RCN2: variants seen among roughly 807,000 people sequenced by gnomAD.
The protein encoded by RCN2 is reticulocalbin-2.
A neutral mutation model predicts 37.5 loss-of-function variants in RCN2; 23 were observed. That is an observed-to-expected ratio of 0.61 (90% confidence interval 0.44 to 0.87). The LOEUF (loss-of-function observed/expected upper bound fraction) is 0.87, where lower values mean the gene tolerates loss of function less well. Ranked by LOEUF, RCN2 falls within the 40% of genes least tolerant of loss-of-function variation. The probability of loss-of-function intolerance (pLI) is 0.00; values close to 1 mark genes in which losing one functional copy is unlikely to be tolerated. For synonymous variants in RCN2, 140 were observed against 144.6 expected, an observed-to-expected ratio of 0.97 and a Z score of 0.23; for missense variants, 381 against 390.4, an observed-to-expected ratio of 0.98 and a Z score of 0.20.
rs2075284082 is a variant in RCN2, at chr15:76,943,674, T to G, written c.448-84T>G. ...AGATAAATGAGATAACGGATGGGAA[T>G]GTACTTTAAATTTCACATAGTTTGT... On this transcript the variant is annotated intron_variant, in intron 3 of 6. Transcript: ENST00000394885. 11 of 727,708 alleles carry G rather than the reference T, an allele frequency of 1.5e-5. No homozygotes were observed. In the South Asian group the frequency reaches 1.9e-4, roughly 13 times the overall value. The allele number at this position is 727,708 out of a possible 1,614,324, so 45.1% of individuals were successfully genotyped here. A position where few individuals can be genotyped will look rare whatever the true frequency, so the allele number is the denominator to read the frequency against.
rs539579177 is a variant in RCN2 at position 76,949,071 on chromosome 15, C to T, written c.803C>T (p.Ala268Val). 1.0e-4 allele frequency: 162 copies of T among 1,590,722 alleles called. No individual in the cohort carries two copies. The highest frequency in any genetic ancestry group is 1.6e-4 in the East Asian group (7 of 44,442). Residue 268 changes from alanine (A) to valine (V), a missense_variant and splice_region_variant, in exon 7 of 7, where the codon GCG (alanine) becomes GTG (valine). Ala to Val is a moderately conservative substitution (Grantham distance 64, BLOSUM62 0). Transcript: ENST00000394885. ...ACACTTTTTTGTTTTATTTTGAAGG[C>T]GCTTCATCTAATTGATGAAATGGAT... The part of the protein sequence containing the change: ...PNNQGIAQEE[A>V]LHLIDEMDLN...
chr15:76,939,205 T>C (rs1344532860), intron 3 of RCN2, among the ~76,000 whole-genome samples: 1 of 151,790 alleles, frequency 6.6e-6, no homozygotes, highest in Non-Finnish European at 1.5e-5. Flanking sequence ...CACTGCAGCC[T>C]GGGCAACAGA....
chr15:76,935,402 C>G, intron 2 of RCN2, 124 bp from the exon 3 acceptor site: 3 of 673,620 alleles, frequency 4.5e-6, no homozygotes, highest in Non-Finnish European at 7.7e-6. Flanking sequence ...ATTAATACAA[C>G]TAGGCCAATT....
chr15:76,932,011 AG>A, intron 1 of RCN2, 26 bp downstream of exon 1: 1 of 1,246,172 alleles, frequency 8.0e-7, no homozygotes, highest in Non-Finnish European at 1.0e-6. Context: ...CGGTGCTGGG[AG>A]GGCCGGGCCT....
rs1344362771 is a variant in RCN2, at chr15:76,950,265, A to G, written c.*1043A>G. Reference sequence around the variant, plus strand: ...TAAAATCATACTTGATAAGCATGATAATCAATTTTAACCTAATTCAGCAGG... The same window carrying G: ...TAAAATCATACTTGATAAGCATGATGATCAATTTTAACCTAATTCAGCAGG... On this transcript the variant is annotated 3_prime_UTR_variant, in exon 7 of 7. Coordinates refer to ENST00000394885, the MANE Select transcript of RCN2 (RefSeq NM_002902.3). The G allele has an allele frequency of 6.6e-6, 1 of 151,324 alleles. No individual in the cohort carries two copies. The highest frequency in any genetic ancestry group is 2.4e-5 in the African/African-American group (1 of 41,368). The allele number at this position is 151,324 out of a possible 1,614,324, so 9.4% of individuals were successfully genotyped here.
Position 76,953,555 on chromosome 15 carries a change from C to CTATATATATATATATATATATA in RCN2, c.*4351_*4372dup, listed in dbSNP as rs1284356930. The CTATATATATATATATATATATA allele has an allele frequency of 3.7e-5, 1 of 26,702 alleles. No individual in the cohort carries two copies. Among genetic ancestry groups the CTATATATATATATATATATATA allele is most frequent in the African/African-American group, 1.7e-4 (1 of 5,886 alleles). The allele number at this position is 26,702 out of a possible 1,614,324, so 1.7% of individuals were successfully genotyped here. On this transcript the variant is annotated 3_prime_UTR_variant, in exon 7 of 7. Transcript: ENST00000394885. ...GGGATTGCTGGATCATATAGTAATT[C>CTATATATATATATATATATATA]TATATATATATATATATATATATAT...
intron 3 of RCN2, chr15:76,941,785 A>C: frequency 1.6e-6 from 1 of 627,900 alleles, no homozygotes; most frequent in Non-Finnish European, 2.5e-6. Context: ...AAGAAATCTC[A>C]GCTTGTTGAA....
Position 76,953,308 on chromosome 15 carries a change from C to G in RCN2, c.*4086C>G, listed in dbSNP as rs1050172179. On this transcript the variant is annotated 3_prime_UTR_variant, in exon 7 of 7. Coordinates refer to ENST00000394885, the MANE Select transcript of RCN2 (RefSeq NM_002902.3). The stretch of plus-strand genomic sequence containing the variant: ...TTGTGAGTGGCTTCACTTAGCATAA[C>G]GTCCCCAAAGTTCACCCATATTGTT... 1 of 151,834 alleles carries G rather than the reference C, an allele frequency of 6.6e-6. No individual in the cohort carries two copies. The highest frequency in any genetic ancestry group is 6.6e-5 in the Admixed American group (1 of 15,218). The allele number at this position is 151,834 out of a possible 1,614,324, so 9.4% of individuals were successfully genotyped here.
chr15:76,932,090 C>T, intron 1 of RCN2, 105 bp downstream of exon 1: 1 of 1,133,220 alleles, frequency 8.8e-7, no homozygotes, highest in Non-Finnish European at 1.1e-6. Context: ...CTGGCAGGGG[C>T]GGCCTGACAA....
chr15:76,951,854 A>G lies in RCN2; in HGVS notation c.*2632A>G, dbSNP rs1316436052. 1 of 152,118 alleles carries G rather than the reference A, an allele frequency of 6.6e-6. No individual in the cohort carries two copies. Among genetic ancestry groups the G allele is most frequent in the Non-Finnish European group, 1.5e-5 (1 of 68,026 alleles). 9.4% of individuals were successfully genotyped at this position (152,118 alleles called of 1,614,324 possible). A position where few individuals can be genotyped will look rare whatever the true frequency, so the allele number is the denominator to read the frequency against. ...GTACAACTTCAAAGGGGAAAATTGA[A>G]TGGGATGTGCACATGTTGGCTCATA... On this transcript the variant is annotated 3_prime_UTR_variant, in exon 7 of 7. Transcript: ENST00000394885.
At chr15:76,935,994 T>C (rs1343952003) in intron 3 of RCN2, among the ~76,000 whole-genome samples, 1 of 152,216 alleles carries the variant, frequency 6.6e-6, no homozygotes, top group African/African-American at 2.4e-5. Flanking sequence ...TAAATGTGTT[T>C]TGAATGAGTA....
chr15:76,947,426 T>C lies in RCN2; in HGVS notation c.567T>C (p.Phe189=), dbSNP rs2075300867. ...HPEEVDYMTE[F]VIQEALEEHD... ...TTTTAATGAACGTGGAATAGGAATT[T>C]GTCATTCAAGAAGCTTTAGAAGAAC... The change falls in exon 5 of 7, where the codon TTT becomes TTC. Residue 189 remains phenylalanine (F), a synonymous_variant. Coordinates refer to ENST00000394885, the MANE Select transcript of RCN2 (RefSeq NM_002902.3). The C allele has an allele frequency of 6.3e-7, 1 of 1,588,934 alleles. No individual in the cohort carries two copies. The highest frequency in any genetic ancestry group is 8.6e-7 in the Non-Finnish European group (1 of 1,168,458).
intron 2 of RCN2, among the ~76,000 whole-genome samples, chr15:76,935,262 G>T (rs1045679474): frequency 2.6e-5 from 4 of 152,182 alleles, no homozygotes; most frequent in Admixed American, 6.5e-5. Flanking sequence ...GGCAGAGGTT[G>T]CAGTGAGCTG....
chr15:76,943,985 T>C (rs75266588), intron 4 of RCN2, 114 bp downstream of exon 4: 16 of 33,544 alleles, frequency 4.8e-4, no homozygotes, highest in Non-Finnish European at 1.3e-3. Flanking sequence ...TACATGAGAC[T>C]TTTTTTTTTT....
Position 76,954,020 on chromosome 15 carries a change from C to A in RCN2, c.*4798C>A, listed in dbSNP as rs1205510835. 6.7e-6 allele frequency: 1 copy of A among 150,100 alleles called. No homozygotes were observed. The highest frequency in any genetic ancestry group is 1.5e-5 in the Non-Finnish European group (1 of 67,738). 9.3% of individuals were successfully genotyped at this position (150,100 alleles called of 1,614,324 possible). ...GAGTTCCAGTTTCTTTACATCCTTACCAACACTTGCTATTTTCTGTTTTTT... is the reference window on the plus strand; with the variant it reads ...GAGTTCCAGTTTCTTTACATCCTTAACAACACTTGCTATTTTCTGTTTTTT... On this transcript the variant is annotated 3_prime_UTR_variant, in exon 7 of 7. Transcript: ENST00000394885.
At position 76,931,944 on chromosome 15, in the gene RCN2, C is replaced by A; in HGVS notation, c.103C>A (p.Arg35Ser). The change falls in exon 1 of 7, where the codon CGC becomes AGC. Residue 35 changes from arginine (R) to serine (S), a missense_variant. Coordinates refer to ENST00000394885, the MANE Select transcript of RCN2 (RefSeq NM_002902.3). Reference protein sequence around the residue: ...AEELHYPLGERRSDYDREALL... With the variant: ...AEELHYPLGESRSDYDREALL... ...GGAGCTGCACTACCCGCTGGGCGAGCGCCGCAGCGACTACGACCGCGAGGC... is the reference window on the plus strand; with the variant it reads ...GGAGCTGCACTACCCGCTGGGCGAGAGCCGCAGCGACTACGACCGCGAGGC... The A allele has an allele frequency of 7.7e-7, 1 of 1,292,964 alleles. No individual in the cohort carries two copies. 80.1% of individuals were successfully genotyped at this position (1,292,964 alleles called of 1,614,324 possible).
In RCN2 at chr15:76,935,705, GA is replaced by G; in HGVS notation, c.431del (p.Glu144GlyfsTer9). 1.2e-6 allele frequency: 2 copies of G among 1,612,742 alleles called. No homozygotes were observed. Among genetic ancestry groups the G allele is most frequent in the Non-Finnish European group, 1.7e-6 (2 of 1,179,398 alleles). On this transcript the variant is annotated frameshift_variant, in exon 3 of 7. Coordinates refer to ENST00000394885, the MANE Select transcript of RCN2 (RefSeq NM_002902.3). LOFTEE classifies it high-confidence loss of function. ...DENTALDDAE[E>X]ESFRKLHLKD... Reference sequence around the variant, plus strand: ...GAACACTGCTCTGGATGATGCAGAAGAGGAGTCCTTTAGGAAGGTGAGTTCA... The same window carrying G: ...GAACACTGCTCTGGATGATGCAGAAGGGAGTCCTTTAGGAAGGTGAGTTCA...
chr15:76,948,585 C>T, intron 6 of RCN2, 33 bp downstream of exon 6: 1 of 1,478,234 alleles, frequency 6.8e-7, no homozygotes, highest in Non-Finnish European at 9.0e-7. Context: ...TTCTCTCCAC[C>T]CCCTCCCCCC....
In RCN2 at chr15:76,953,008, A is replaced by T. The variant is rs949006726; in HGVS notation, c.*3786A>T. On this transcript the variant is annotated 3_prime_UTR_variant, in exon 7 of 7. Transcript: ENST00000394885. ...GAGTGCAGTGGTGCGATCTCGGCTC[A>T]CTGCAACCTCCACCTCCCAGGTTCA... 1 of 151,702 alleles carries T rather than the reference A, an allele frequency of 6.6e-6. No individual in the cohort carries two copies. The highest frequency in any genetic ancestry group is 3.2e-3 in the Middle Eastern group (1 of 316). 9.4% of individuals were successfully genotyped at this position (151,702 alleles called of 1,614,324 possible).
Sources: allele counts gnomAD v4.1 joint callset (sites outside exome capture counted in the v4.1 genomes callset), GRCh38; gene constraint gnomAD v4.1.1; transcripts MANE v1.5; gene names NCBI Gene and HGNC (gene_info 2026-07-23, HGNC 2026-07-21).